Variants in EHBP1 observed in about 807,000 individuals in gnomAD.
The protein encoded by EHBP1 is EH domain binding protein 1.
In EHBP1, 55 loss-of-function variants were observed where a neutral mutation model predicts 144.0. The ratio of observed to expected loss-of-function variants is 0.38; its 90% CI spans 0.31 to 0.48. The LOEUF (loss-of-function observed/expected upper bound fraction) is 0.48, where lower values mean the gene tolerates loss of function less well. Ranked by LOEUF, EHBP1 falls within the 20% of genes least tolerant of loss-of-function variation. The pLI, the probability that EHBP1 is intolerant of heterozygous loss-of-function variation, is 0.98. For synonymous variants in EHBP1, 469 were observed against 472.7 expected, an observed-to-expected ratio of 0.99 and a Z score of 0.10; for missense variants, 1,200 against 1,364.2, an observed-to-expected ratio of 0.88 and a Z score of 1.90.
chr2:62,883,807 A>T (rs1383511422), intron 10 of EHBP1, among the ~76,000 whole-genome samples: 1 of 152,174 alleles, frequency 6.6e-6, no homozygotes, highest in African/African-American at 2.4e-5. Context: ...CTACAAAAAA[A>T]TTAAAATAAA....
At chr2:62,980,496 T>C in intron 15 of EHBP1, among the ~76,000 whole-genome samples, 1 of 152,210 alleles carries the variant, frequency 6.6e-6, no homozygotes, top group East Asian at 1.9e-4. Flanking sequence ...TCTAGGTCAA[T>C]GATAAGTTTC....
chr2:62,846,597 G>T (rs533815533), intron 7 of EHBP1, among the ~76,000 whole-genome samples: 1 of 152,246 alleles, frequency 6.6e-6, no homozygotes, highest in South Asian at 2.1e-4. Flanking sequence ...AAGGATGTTT[G>T]CTCTTACCAT....
intron 5 of EHBP1, among the ~76,000 whole-genome samples, chr2:62,819,731 T>C (rs774918255): frequency 8.1e-4 from 121 of 149,378 alleles, no homozygotes; most frequent in Non-Finnish European, 1.5e-3. Context: ...GCCATTGCAC[T>C]CCAGCCTGGG....
intron 3 of EHBP1, among the ~76,000 whole-genome samples, chr2:62,755,801 C>G (rs2040222897): frequency 6.6e-6 from 1 of 152,044 alleles, no homozygotes; most frequent in Non-Finnish European, 1.5e-5. Flanking sequence ...GTGAATATGA[C>G]TAGACCTATA....
intron 10 of EHBP1, among the ~76,000 whole-genome samples, chr2:62,935,874 C>T (rs1276032723): frequency 6.6e-6 from 1 of 152,118 alleles, no homozygotes; most frequent in African/African-American, 2.4e-5. Context: ...ATTAAGTGCT[C>T]TTCTGCATCT....
At chr2:62,864,504 G>A (rs1011887483) in intron 8 of EHBP1, among the ~76,000 whole-genome samples, 4 of 152,092 alleles carry the variant, frequency 2.6e-5, no homozygotes, top group Non-Finnish European at 4.4e-5. Context: ...CCATTTTTGG[G>A]AGTACCATTC....
chr2:62,823,097 TC>T, intron 5 of EHBP1, among the ~76,000 whole-genome samples: 1 of 152,098 alleles, frequency 6.6e-6, no homozygotes, highest in African/African-American at 2.4e-5. Flanking sequence ...CCTAGGTCCA[TC>T]TTTAGGTCTA....
intron 10 of EHBP1, among the ~76,000 whole-genome samples, chr2:62,889,807 T>C (rs186262411): frequency 2.0e-5 from 3 of 152,126 alleles, no homozygotes; most frequent in Admixed American, 2.0e-4. Context: ...CTGTTTTTTT[T>C]ATGTCCATTT....
At chr2:62,964,231 G>A (rs950364613) in intron 14 of EHBP1, among the ~76,000 whole-genome samples, 3 of 152,118 alleles carry the variant, frequency 2.0e-5, no homozygotes, top group East Asian at 1.9e-4. Flanking sequence ...ATGTGGCCAC[G>A]AACCCCTAGC....
rs2061948881 is a variant in EHBP1, at chr2:63,046,180, G to A, written c.*680G>A. 6.6e-6 allele frequency: 1 copy of A among 152,622 alleles called. No homozygotes were observed. The highest frequency in any genetic ancestry group is 1.5e-5 in the Non-Finnish European group (1 of 68,050). The allele number at this position is 152,622 out of a possible 1,614,324, so 9.5% of individuals were successfully genotyped here. ...GTGAGCTGTGAGGATGGGACTAATTGATATGCACCAGTTTACAAAGACAGT... is the reference window on the plus strand; with the variant it reads ...GTGAGCTGTGAGGATGGGACTAATTAATATGCACCAGTTTACAAAGACAGT... On this transcript the variant is annotated 3_prime_UTR_variant, in exon 23 of 23. Transcript: ENST00000431489.
chr2:62,733,831 A>G (rs920912251), intron 2 of EHBP1, among the ~76,000 whole-genome samples: 1 of 152,186 alleles, frequency 6.6e-6, no homozygotes, highest in Admixed American at 6.5e-5. Flanking sequence ...AGACTTGTCC[A>G]CATCCAACCT....
intron 2 of EHBP1, among the ~76,000 whole-genome samples, chr2:62,715,290 A>G (rs1035901543): frequency 6.6e-6 from 1 of 151,446 alleles, no homozygotes; most frequent in African/African-American, 2.4e-5. Context: ...AATTTTTTGT[A>G]TTTTTAACAG....
At chr2:62,877,958 G>A (rs1189165668) in intron 10 of EHBP1, among the ~76,000 whole-genome samples, 1 of 152,138 alleles carries the variant, frequency 6.6e-6, no homozygotes, top group African/African-American at 2.4e-5. Flanking sequence ...AAAGCTAGCA[G>A]AAGATGACAA....
At chr2:62,887,095 T>A (rs2051993783) in intron 10 of EHBP1, among the ~76,000 whole-genome samples, 1 of 152,186 alleles carries the variant, frequency 6.6e-6, no homozygotes, top group Non-Finnish European at 1.5e-5. Context: ...AATAGTAATC[T>A]ATAATAGATC....
chr2:63,030,065 A>T (rs538220210), intron 19 of EHBP1, among the ~76,000 whole-genome samples: 1 of 152,276 alleles, frequency 6.6e-6, no homozygotes, highest in African/African-American at 2.4e-5. Flanking sequence ...TGCAATGTTC[A>T]TCTTATTTGC....
chr2:63,032,412 C>CA (rs1165726569), intron 19 of EHBP1, among the ~76,000 whole-genome samples: 16 of 151,064 alleles, frequency 1.1e-4, no homozygotes, highest in Admixed American at 9.2e-4. Flanking sequence ...ACTGAAAATA[C>CA]AAAAAATTAG....
chr2:62,935,807 G>A (rs1372935295), intron 10 of EHBP1, among the ~76,000 whole-genome samples: 1 of 152,094 alleles, frequency 6.6e-6, no homozygotes, highest in Non-Finnish European at 1.5e-5. Flanking sequence ...AGTGAAAGAA[G>A]ATTCTGTATT....
Position 62,988,032 on chromosome 2 carries a change from A to T in EHBP1, c.2609-2684A>T, listed in dbSNP as rs752308876. 4 of 1,584,462 alleles carry T rather than the reference A, an allele frequency of 2.5e-6. No individual in the cohort carries two copies. The South Asian group carries it at 3.4e-5, about 13-fold the overall frequency. On this transcript the variant is annotated intron_variant, in intron 15 of 22. Transcript: ENST00000431489. The stretch of plus-strand genomic sequence containing the variant: ...TACTAACTTAGAAAATGACCTTGAT[A>T]CTCCCGGTAATTTCAAATTATAAAT...
At chr2:62,894,060 AC>A (rs1036504448) in intron 10 of EHBP1, among the ~76,000 whole-genome samples, 2 of 151,386 alleles carry the variant, frequency 1.3e-5, no homozygotes, top group Non-Finnish European at 3.0e-5. Flanking sequence ...AAAAAAAAAA[AC>A]AGCAACAACA....
Sources: gnomAD v4.1 joint callset for allele counts (sites outside exome capture counted in the v4.1 genomes callset) on GRCh38, gnomAD v4.1.1 for gene constraint, MANE v1.5 for transcripts, NCBI Gene and HGNC (gene_info 2026-07-23, HGNC 2026-07-21) for gene names.